Variants in CIMAP1B observed in about 807,000 individuals in gnomAD.
CIMAP1B encodes orf2 5' to PD-ECGF/TP.
the CIMAP1B span, chr22:50,530,859 G>A: frequency 6.2e-7 from 1 of 1,604,706 alleles, no homozygotes; most frequent in Non-Finnish European, 8.5e-7. Flanking sequence ...GGGTCTGCGA[G>A]AGGGCAGAGG....
the CIMAP1B span, chr22:50,531,930 G>T: frequency 1.5e-6 from 2 of 1,302,544 alleles, no homozygotes; most frequent in African/African-American, 3.1e-5. Context: ...TCCCCCAGGC[G>T]CCGTCCCACC....
At chr22:50,531,571 A>G in the CIMAP1B span, 1 of 1,416,292 alleles carries the variant, frequency 7.1e-7, no homozygotes, top group South Asian at 1.6e-5. Context: ...GGTCCTGACC[A>G]GGTCCCGGAG....
At chr22:50,530,945 G>C in the CIMAP1B span, 2 of 1,611,152 alleles carry the variant, frequency 1.2e-6, no homozygotes, top group Non-Finnish European at 1.7e-6. Flanking sequence ...ACCTTGCTGA[G>C]GTCCTCGAAG....
At chr22:50,531,090 G>T in the CIMAP1B span, 3 of 1,595,338 alleles carry the variant, frequency 1.9e-6, no homozygotes, top group African/African-American at 1.3e-5. Flanking sequence ...GGGGTAGTGG[G>T]TCTCCGCGGA....
chr22:50,530,619 C>T, the CIMAP1B span: 1 of 1,567,336 alleles, frequency 6.4e-7, no homozygotes, highest in South Asian at 1.2e-5. Context: ...GCGCCGGGAC[C>T]CCTGGACCCC....
At chr22:50,531,278 G>A in the CIMAP1B span, 4 of 1,609,194 alleles carry the variant, frequency 2.5e-6, no homozygotes, top group African/African-American at 5.4e-5. Flanking sequence ...TTCCCCGCTC[G>A]CTCCGGGAAG....
chr22:50,532,261 G>T, the CIMAP1B span: 2 of 846,154 alleles, frequency 2.4e-6, no homozygotes, highest in African/African-American at 1.7e-5. Flanking sequence ...CTTCCCGGCT[G>T]TGTGGAGCTT....
chr22:50,531,922 C>T, the CIMAP1B span: 3 of 1,312,618 alleles, frequency 2.3e-6, no homozygotes, highest in African/African-American at 4.6e-5. Context: ...CCCTTCCCTC[C>T]CCCAGGCGCC....
the CIMAP1B span, chr22:50,531,217 C>A: frequency 2.5e-6 from 4 of 1,612,950 alleles, no homozygotes; most frequent in East Asian, 8.9e-5. Context: ...CGCCTGGACA[C>A]CCCAGTTTCG....
chr22:50,530,889 C>T, the CIMAP1B span: 1 of 1,607,920 alleles, frequency 6.2e-7, no homozygotes, highest in Non-Finnish European at 8.5e-7. Context: ...GCCGCCTCCA[C>T]TGCCGCGGAC....
chr22:50,531,684 CG>C, the CIMAP1B span: 1 of 1,369,398 alleles, frequency 7.3e-7, no homozygotes. Flanking sequence ...TGGCCTGGCC[CG>C]GGGCCGCACG....
chr22:50,531,370 G>T, the CIMAP1B span: 1 of 1,258,156 alleles, frequency 7.9e-7, no homozygotes, highest in Non-Finnish European at 1.1e-6. Context: ...GGGGTCCTGG[G>T]ACTAGTGGGG....
the CIMAP1B span, chr22:50,531,667 C>T: frequency 1.5e-6 from 2 of 1,369,458 alleles, no homozygotes; most frequent in East Asian, 3.0e-5. Flanking sequence ...TGCGAGCGGG[C>T]ACCAGGTGGC....
At chr22:50,532,036 C>G in the CIMAP1B span, 1 of 1,344,722 alleles carries the variant, frequency 7.4e-7, no homozygotes, top group Admixed American at 3.9e-5. Context: ...GGCCGCGGGG[C>G]CGGTGTGGCC....
chr22:50,530,756 C>T, the CIMAP1B span: 1 of 1,610,018 alleles, frequency 6.2e-7, no homozygotes, highest in Non-Finnish European at 8.5e-7. Flanking sequence ...CGAGTGTTGT[C>T]TTGGGGGAGC....
chr22:50,531,842 C>G, the CIMAP1B span: 7 of 1,333,794 alleles, frequency 5.2e-6, 1 homozygote, highest in African/African-American at 7.7e-5. Context: ...GGACCCTCCC[C>G]CGGCACAGAC....
At chr22:50,530,439 A>T in the CIMAP1B span, 1 of 1,547,594 alleles carries the variant, frequency 6.5e-7, no homozygotes, top group Non-Finnish European at 8.8e-7. Flanking sequence ...GGACTCGCAG[A>T]CTTTAAGCAA....
At chr22:50,530,454 G>A in the CIMAP1B span, 2 of 1,572,938 alleles carry the variant, frequency 1.3e-6, no homozygotes, top group East Asian at 2.3e-5. Context: ...AAGCAAACAC[G>A]TGTGGGGCCG....
the CIMAP1B span, chr22:50,531,862 C>G: frequency 7.5e-7 from 1 of 1,328,278 alleles, no homozygotes; most frequent in Non-Finnish European, 9.7e-7. Context: ...CCCCCTCTCC[C>G]CTCTAGCAGG....
Sources: allele counts gnomAD v4.1 joint callset, GRCh38; gene constraint gnomAD v4.1.1; transcripts MANE v1.5; gene names NCBI Gene and HGNC (gene_info 2026-07-23, HGNC 2026-07-21).